SPMIP7: variants seen among roughly 807,000 people sequenced by gnomAD.
SPMIP7 encodes the protein sperm microtubule inner protein 7.
At chr7:50,104,633 G>A in the SPMIP7 span, among the ~76,000 whole-genome samples, 4 of 152,080 alleles carry the variant, frequency 2.6e-5, no homozygotes, top group African/African-American at 9.7e-5. Flanking sequence ...CCATGGGGGA[G>A]GAGTGAGTAG....
chr7:50,140,600 A>G, the SPMIP7 span, among the ~76,000 whole-genome samples: 1 of 152,198 alleles, frequency 6.6e-6, no homozygotes, highest in Non-Finnish European at 1.5e-5. Context: ...CCGGCTTTCC[A>G]TGGATGGCAA....
At chr7:50,147,058 T>A in the SPMIP7 span, among the ~76,000 whole-genome samples, 4,120 of 152,348 alleles carry the variant, frequency 0.027, 132 homozygotes, top group South Asian at 0.12. Context: ...CCCTCCCTTA[T>A]GTCGCATCCA....
the SPMIP7 span, among the ~76,000 whole-genome samples, chr7:50,139,654 C>T: frequency 1.3e-5 from 2 of 152,196 alleles, no homozygotes; most frequent in Non-Finnish European, 2.9e-5. Flanking sequence ...TGCCACATCT[C>T]AGAATTCTTC....
chr7:50,106,114 T>C, the SPMIP7 span, among the ~76,000 whole-genome samples: 1 of 152,236 alleles, frequency 6.6e-6, no homozygotes, highest in Non-Finnish European at 1.5e-5. Flanking sequence ...CTAAGTAATA[T>C]GGACCAATAT....
chr7:50,145,995 C>T, the SPMIP7 span, among the ~76,000 whole-genome samples: 8 of 152,152 alleles, frequency 5.3e-5, no homozygotes, highest in African/African-American at 1.9e-4. Context: ...CATGGACCCC[C>T]AGGCAGCCCC....
At chr7:50,121,508 A>G in the SPMIP7 span, among the ~76,000 whole-genome samples, 4 of 152,156 alleles carry the variant, frequency 2.6e-5, no homozygotes, top group South Asian at 2.1e-4. Context: ...TTTGTATGTC[A>G]CTTCTGTTTT....
the SPMIP7 span, among the ~76,000 whole-genome samples, chr7:50,116,635 GA>G: frequency 6.6e-6 from 1 of 152,136 alleles, no homozygotes; most frequent in Non-Finnish European, 1.5e-5. Context: ...ATCTGGAATG[GA>G]AACTTAAAAT....
At chr7:50,118,521 A>T in the SPMIP7 span, among the ~76,000 whole-genome samples, 4 of 152,224 alleles carry the variant, frequency 2.6e-5, no homozygotes, top group Non-Finnish European at 4.4e-5. Flanking sequence ...TTTACATGTT[A>T]TCTGGCTGGA....
At chr7:50,101,879 C>T in the SPMIP7 span, among the ~76,000 whole-genome samples, 1 of 152,190 alleles carries the variant, frequency 6.6e-6, no homozygotes, top group Admixed American at 6.5e-5. Context: ...GGCCTCTCAC[C>T]TCTGTGTCTG....
chr7:50,134,282 A>G, the SPMIP7 span: 1 of 1,478,482 alleles, frequency 6.8e-7, no homozygotes, highest in Non-Finnish European at 9.0e-7. Context: ...TGTATTTCTC[A>G]TTGTTATTGA....
the SPMIP7 span, among the ~76,000 whole-genome samples, chr7:50,111,842 TGAATA>T: frequency 2.6e-5 from 4 of 152,010 alleles, no homozygotes; most frequent in Non-Finnish European, 5.9e-5. Context: ...ATCCACAAAA[TGAATA>T]GAAGAAAATA....
chr7:50,136,155 C>T, the SPMIP7 span: 124 of 1,549,878 alleles, frequency 8.0e-5, no homozygotes, highest in Non-Finnish European at 1.0e-4. Flanking sequence ...ACCAGTCAAA[C>T]CAATTAATTT....
chr7:50,128,146 A>C, the SPMIP7 span, among the ~76,000 whole-genome samples: 1 of 152,000 alleles, frequency 6.6e-6, no homozygotes, highest in South Asian at 2.1e-4. Context: ...AAAGAGAATA[A>C]AATTCTGTCA....
At chr7:50,145,017 T>C in the SPMIP7 span, among the ~76,000 whole-genome samples, 1 of 152,038 alleles carries the variant, frequency 6.6e-6, no homozygotes, top group East Asian at 1.9e-4. Flanking sequence ...GTCCTAGCAC[T>C]TTGGGAAGCC....
At chr7:50,116,065 T>C in the SPMIP7 span, among the ~76,000 whole-genome samples, 1 of 152,344 alleles carries the variant, frequency 6.6e-6, no homozygotes, top group East Asian at 1.9e-4. Flanking sequence ...AATATGATTA[T>C]GTATGTAAAC....
At chr7:50,124,967 C>T in the SPMIP7 span, among the ~76,000 whole-genome samples, 18 of 151,336 alleles carry the variant, frequency 1.2e-4, no homozygotes, top group Admixed American at 4.0e-4. Context: ...TGCATGGTGG[C>T]GGGTGCCTGT....
At chr7:50,157,971 A>C in the SPMIP7 span, among the ~76,000 whole-genome samples, 2 of 152,386 alleles carry the variant, frequency 1.3e-5, no homozygotes, top group East Asian at 3.9e-4. Context: ...ATACAAGCAA[A>C]GTAAAATGAA....
the SPMIP7 span, among the ~76,000 whole-genome samples, chr7:50,125,259 TAC>T: frequency 0.51 from 41,633 of 81,652 alleles, 11,651 homozygotes; most frequent in East Asian, 0.67. Flanking sequence ...CACATATATA[TAC>T]ACACATATAT....
the SPMIP7 span, among the ~76,000 whole-genome samples, chr7:50,101,745 G>A: frequency 1.3e-5 from 2 of 152,126 alleles, no homozygotes; most frequent in Admixed American, 6.5e-5. Context: ...CCATCCTGTT[G>A]CTTGTGGCAC....
Sources: allele counts gnomAD v4.1 joint callset (sites outside exome capture counted in the v4.1 genomes callset), GRCh38; gene constraint gnomAD v4.1.1; transcripts MANE v1.5; gene names NCBI Gene and HGNC (gene_info 2026-07-23, HGNC 2026-07-21).